KIZ: variants seen among roughly 807,000 people sequenced by gnomAD.
KIZ encodes kizuna centrosomal protein.
A neutral mutation model predicts 79.6 loss-of-function variants in KIZ; 68 were observed. The ratio of observed to expected loss-of-function variants is 0.85; its 90% confidence interval spans 0.70 to 1.05. The LOEUF (loss-of-function observed/expected upper bound fraction) is 1.05. KIZ is among the 50% of genes least tolerant of loss of function. KIZ has a pLI of 0.00. For missense variants in KIZ, 797 were observed against 800.4 expected (o/e 1.00, Z 0.05); for synonymous variants, 280 against 281.8 (o/e 0.99, Z 0.06).
At chr20:21,126,037 A>C, upstream of KIZ, 1 of 1,397,196 alleles carries the variant, frequency 7.2e-7, no homozygotes, top group South Asian at 1.5e-5. Flanking sequence ...CCCGCGGTGC[A>C]TGGTGGGGCG....
chr20:21,192,009 G>A lies in KIZ; in HGVS notation c.1353-13482G>A, dbSNP rs1410594849. ...GAACTGTCCAACCCCAGCTTCTGCC[G>A]GCGGGGAGGGGTACACTGGGATTGG... On this transcript the variant is annotated intron_variant, in intron 6 of 12. Coordinates refer to ENST00000619189, the MANE Select transcript of KIZ (RefSeq NM_018474.6). 3.9e-5 allele frequency among the ~76,000 whole-genome samples: 6 copies of A among 152,092 alleles called. No individual in the cohort carries two copies. The South Asian group carries it at 6.2e-4, about 16-fold the overall frequency.
chr20:21,186,448 G>A (rs1045074718), intron 6 of KIZ, among the ~76,000 whole-genome samples: 1 of 151,572 alleles, frequency 6.6e-6, no homozygotes, highest in African/African-American at 2.4e-5. Flanking sequence ...ACCCGGAATT[G>A]GGACTTGTCT....
chr20:21,233,294 C>G (rs1453355406), intron 11 of KIZ, among the ~76,000 whole-genome samples: 1 of 152,016 alleles, frequency 6.6e-6, no homozygotes, highest in East Asian at 1.9e-4. Flanking sequence ...GTTATTCTTT[C>G]CTTTTCTAAT....
chr20:21,152,971 G>A (rs1322913393), intron 4 of KIZ, among the ~76,000 whole-genome samples: 1 of 152,170 alleles, frequency 6.6e-6, no homozygotes, highest in African/African-American at 2.4e-5. Flanking sequence ...TTTAAAAGCT[G>A]TGGTTCAGTA....
intron 3 of KIZ, among the ~76,000 whole-genome samples, chr20:21,142,986 G>A (rs1450969498): frequency 6.6e-6 from 1 of 152,118 alleles, no homozygotes; most frequent in Non-Finnish European, 1.5e-5. Context: ...GGCAAAGTGT[G>A]TAGCAAATAC....
rs2033763903 is a variant in KIZ, at chr20:21,163,110, A to C, written c.1303A>C (p.Ser435Arg). ...AAAAAATTGTATTTTGCAAACCCTA[A>C]GCTCTCCTGATTCAGAAAAGGAATC... Reference protein sequence around the residue: ...TEKNCILQTLSSPDSEKESST... With the variant: ...TEKNCILQTLRSPDSEKESST... Residue 435 changes from serine (S) to arginine (R), a missense_variant, in exon 6 of 13, where the codon AGC becomes CGC. Coordinates refer to ENST00000619189, the MANE Select transcript of KIZ (RefSeq NM_018474.6). The C allele has an allele frequency of 6.2e-7, 1 of 1,613,622 alleles. No homozygotes were observed. The highest frequency in any genetic ancestry group is 8.5e-7 in the Non-Finnish European group (1 of 1,179,734).
intron 6 of KIZ, among the ~76,000 whole-genome samples, chr20:21,187,708 TC>T (rs1258579525): frequency 6.6e-6 from 1 of 152,184 alleles, no homozygotes; most frequent in Non-Finnish European, 1.5e-5. Flanking sequence ...TGTTTTATGG[TC>T]CTGCGTCAGC....
intron 1 of KIZ, among the ~76,000 whole-genome samples, chr20:21,128,382 A>G (rs1283394277): frequency 6.6e-6 from 1 of 152,106 alleles, no homozygotes; most frequent in Non-Finnish European, 1.5e-5. Context: ...GTCTCCTAAA[A>G]TTCCTGAGTC....
chr20:21,208,280 C>T (rs1232918546), intron 7 of KIZ, among the ~76,000 whole-genome samples: 1 of 152,120 alleles, frequency 6.6e-6, no homozygotes, highest in African/African-American at 2.4e-5. Context: ...TGCTGTCCAG[C>T]TAATATCTAA....
chr20:21,157,196 T>C (rs2033427716), intron 4 of KIZ, among the ~76,000 whole-genome samples: 1 of 152,192 alleles, frequency 6.6e-6, no homozygotes, highest in South Asian at 2.1e-4. Context: ...AACCTTCCTA[T>C]TGAGTTGAAG....
At chr20:21,152,911 G>T (rs1427028784) in intron 4 of KIZ, among the ~76,000 whole-genome samples, 1 of 152,174 alleles carries the variant, frequency 6.6e-6, no homozygotes, top group Non-Finnish European at 1.5e-5. Flanking sequence ...TTTGAAGTTA[G>T]AAATTAGGCA....
At chr20:21,166,574 G>C in intron 6 of KIZ, 4 of 1,389,798 alleles carry the variant, frequency 2.9e-6, no homozygotes. Context: ...GAGAGCATCT[G>C]CCAGGACATT....
At chr20:21,149,689 A>G (rs1224195710) in intron 4 of KIZ, among the ~76,000 whole-genome samples, 2 of 152,208 alleles carry the variant, frequency 1.3e-5, no homozygotes, top group African/African-American at 2.4e-5. Flanking sequence ...TCCATTCCAG[A>G]TGTGTTCCCA....
intron 2 of KIZ, among the ~76,000 whole-genome samples, chr20:21,132,392 C>A (rs2031910687): frequency 6.6e-6 from 1 of 152,158 alleles, no homozygotes. Context: ...CCTGCCTTAG[C>A]CTCACAAGTA....
At chr20:21,236,099 C>G (rs1315669660) in intron 11 of KIZ, among the ~76,000 whole-genome samples, 1 of 152,198 alleles carries the variant, frequency 6.6e-6, no homozygotes, top group Non-Finnish European at 1.5e-5. Context: ...TATCACAAGC[C>G]TACATACGTT....
At chr20:21,137,474 C>CTT (rs34442176) in intron 3 of KIZ, among the ~76,000 whole-genome samples, 2 of 136,558 alleles carry the variant, frequency 1.5e-5, no homozygotes, top group African/African-American at 5.4e-5. Context: ...GCCCCCCTAC[C>CTT]TTTTTTTTTT....
At chr20:21,243,891 G>C (rs1291554109) in intron 11 of KIZ, among the ~76,000 whole-genome samples, 9 of 152,176 alleles carry the variant, frequency 5.9e-5, no homozygotes, top group African/African-American at 2.2e-4. Context: ...ATGCATCACT[G>C]TCTTCCAGAA....
At chr20:21,150,152 G>A (rs1234583139) in intron 4 of KIZ, among the ~76,000 whole-genome samples, 4 of 152,180 alleles carry the variant, frequency 2.6e-5, no homozygotes, top group Non-Finnish European at 4.4e-5. Flanking sequence ...AGAGTGCCAC[G>A]CCTGGCTCCT....
chr20:21,140,355 A>G (rs556079320), intron 3 of KIZ, among the ~76,000 whole-genome samples: 2 of 152,332 alleles, frequency 1.3e-5, no homozygotes, highest in Non-Finnish European at 1.5e-5. Flanking sequence ...TGAACTTCAA[A>G]TTGGTAGAAT....
Sources: allele counts gnomAD v4.1 joint callset (sites outside exome capture counted in the v4.1 genomes callset), GRCh38; gene constraint gnomAD v4.1.1; transcripts MANE v1.5; gene names NCBI Gene and HGNC (gene_info 2026-07-23, HGNC 2026-07-21).